The following UCP1 variants were observed in gnomAD, a reference collection of about 807,000 sequenced individuals.
UCP1 encodes the protein mitochondrial brown fat uncoupling protein 1.
A neutral mutation model predicts 26.2 loss-of-function variants in UCP1; 24 were observed. The observed-to-expected ratio is 0.92, with a 90% CI of 0.66 to 1.29. The LOEUF (loss-of-function observed/expected upper bound fraction) is 1.29. Among genes scored for constraint, UCP1 ranks in the 50% most tolerant of loss-of-function variants. The probability of loss-of-function intolerance (pLI) is 0.00; values close to 1 mark genes in which losing one functional copy is unlikely to be tolerated. For missense variants in UCP1, 402 were observed against 388.7 expected, an observed-to-expected ratio of 1.03 and a Z score of -0.29; for synonymous variants, 164 against 156.8, an observed-to-expected ratio of 1.05 and a Z score of -0.34.
chr4:140,560,571 G>A (rs763277017), intron 5 of UCP1, among the ~76,000 whole-genome samples: 8 of 152,106 alleles, frequency 5.3e-5, no homozygotes, highest in South Asian at 2.1e-4. Flanking sequence ...GAAGTATTGA[G>A]TAGAGTCAAG....
At chr4:140,562,043 G>T in intron 5 of UCP1, 150 bp downstream of exon 5, 3 of 919,564 alleles carry the variant, frequency 3.3e-6, no homozygotes, top group Non-Finnish European at 5.2e-6. Context: ...GGAATTGGTG[G>T]ATTGGAGAAA....
At position 140,559,997 on chromosome 4, in the gene UCP1, A is replaced by C; in HGVS notation, c.823T>G (p.Phe275Val). Reference protein sequence around the residue: ...TAFFKGLVPSFLRLGSWNVIM... With the variant: ...TAFFKGLVPSVLRLGSWNVIM... ...ACGTTCCAGGATCCAAGTCGCAAGAAGGAAGGTACCAACCTAGAAAAGTGC... is the reference window on the plus strand; with the variant it reads ...ACGTTCCAGGATCCAAGTCGCAAGACGGAAGGTACCAACCTAGAAAAGTGC... The change falls in exon 6 of 6, where the codon TTC becomes GTC. Residue 275 changes from phenylalanine to valine, a missense_variant. Transcript: ENST00000262999. 1 of 1,613,982 alleles carries C rather than the reference A, an allele frequency of 6.2e-7. No individual in the cohort carries two copies. Among genetic ancestry groups the C allele is most frequent in the South Asian group, 1.1e-5 (1 of 91,074 alleles).
At chr4:140,562,970 T>A in intron 4 of UCP1, 140 bp downstream of exon 4, 1 of 760,816 alleles carries the variant, frequency 1.3e-6, no homozygotes, top group Non-Finnish European at 2.2e-6. Context: ...TCTCACAAAG[T>A]TATATATGGT....
At position 140,567,981 on chromosome 4, in the gene UCP1, G is replaced by T. The variant is rs573045664; in HGVS notation, c.127-4C>A. 2 of 1,614,136 alleles carry T rather than the reference G, an allele frequency of 1.2e-6. No homozygotes were observed. Among genetic ancestry groups the T allele is most frequent in the Admixed American group, 1.7e-5 (1 of 60,016 alleles). On this transcript the variant is annotated splice_polypyrimidine_tract_variant and splice_region_variant and intron_variant, in intron 1 of 5. Coordinates refer to ENST00000262999, the MANE Select transcript of UCP1 (RefSeq NM_021833.5). ...ACGTCGGGCATTCACCTTGGACCTG[G>T]AAATAAGAAAGGTGCAGAACAGAAG...
Position 140,562,345 on chromosome 4 carries a change from A to C in UCP1, c.657T>G (p.Ala219=). The C allele has an allele frequency of 1.2e-6, 2 of 1,614,124 alleles. No individual in the cohort carries two copies. Among genetic ancestry groups the C allele is most frequent in the Non-Finnish European group, 1.7e-6 (2 of 1,180,000 alleles). Residue 219 remains alanine (A), a synonymous_variant, in exon 5 of 6, where the codon GCT becomes GCG. Coordinates refer to ENST00000262999, the MANE Select transcript of UCP1 (RefSeq NM_021833.5). ...CTGTTGCGCAAAATCCAGCGATAAG[A>C]GCCGACACCAAGTGGCAGGGGACGT... The part of the protein sequence containing the change: ...ADDVPCHLVS[A]LIAGFCATAM...
chr4:140,567,647 G>T, intron 2 of UCP1, 132 bp downstream of exon 2: 2 of 1,183,052 alleles, frequency 1.7e-6, no homozygotes, highest in Non-Finnish European at 1.2e-6. Flanking sequence ...TAATGTTTGG[G>T]GAAGGGAGAG....
At chr4:140,564,027 A>T (rs1263336003) in intron 2 of UCP1, among the ~76,000 whole-genome samples, 5 of 152,368 alleles carry the variant, frequency 3.3e-5, no homozygotes, top group African/African-American at 1.2e-4. Context: ...GAAATTTTTT[A>T]AAAATGAAGA....
chr4:140,563,802 T>C (rs1735740737), intron 2 of UCP1, among the ~76,000 whole-genome samples: 1 of 152,052 alleles, frequency 6.6e-6, no homozygotes, highest in African/African-American at 2.4e-5. Context: ...GAGACAGGGT[T>C]TCACTATATT....
chr4:140,568,566 G>A (rs1031575011), intron 1 of UCP1, 38 bp downstream of exon 1: 21 of 1,612,920 alleles, frequency 1.3e-5, no homozygotes, highest in Non-Finnish European at 1.4e-5. Context: ...CGTCCCCTCT[G>A]TCCTGAGACC....
intron 4 of UCP1, among the ~76,000 whole-genome samples, chr4:140,562,756 T>G (rs1038137631): frequency 9.2e-5 from 14 of 152,162 alleles, no homozygotes; most frequent in Non-Finnish European, 1.9e-4. Flanking sequence ...TAAGCTCCTT[T>G]TATAACTAGA....
chr4:140,560,155 T>A, intron 5 of UCP1, 145 bp from the exon 6 acceptor site: 1 of 693,640 alleles, frequency 1.4e-6, no homozygotes, highest in Non-Finnish European at 2.5e-6. Flanking sequence ...TGGGCTTAAG[T>A]GATCCTCCCA....
intron 4 of UCP1, among the ~76,000 whole-genome samples, 193 bp downstream of exon 4, chr4:140,562,917 G>T (rs1237227235): frequency 1.3e-5 from 2 of 152,148 alleles, no homozygotes; most frequent in South Asian, 4.1e-4. Flanking sequence ...TATTTTTGTT[G>T]TGGCAAAACT....
At position 140,567,801 on chromosome 4, in the gene UCP1, C is replaced by G. The variant is rs374742794; in HGVS notation, c.303G>C (p.Glu101Asp). ...TACTTTCTTTCCCTGCGGTGAGGAA[C>G]TCCTGGACCGTGTCGTAGAGGCCGA... is the stretch of plus-strand genomic sequence containing the variant. ...LRIGLYDTVQ[E>D]FLTAGKETAP... is the part of the protein sequence containing the mutation. Residue 101 changes from glutamate (E) to aspartate (D), a missense_variant, in exon 2 of 6, where the codon GAG becomes GAC. Transcript: ENST00000262999. The G allele has an allele frequency of 2.0e-5, 32 of 1,614,138 alleles. 2 individuals carry two copies. Among genetic ancestry groups the G allele is most frequent in the Middle Eastern group, 3.3e-4 (2 of 6,058 alleles).
At position 140,563,343 on chromosome 4, in the gene UCP1, G is replaced by A. The variant is rs140830198; in HGVS notation, c.501C>T (p.Thr167=). 1.6e-5 allele frequency: 26 copies of A among 1,613,990 alleles called. No homozygotes were observed. The highest frequency in any genetic ancestry group is 9.3e-5 in the African/African-American group (7 of 74,896). Residue 167 remains threonine, a synonymous_variant, in exon 3 of 6, where the codon ACC becomes ACT. Transcript: ENST00000262999. The part of the protein sequence containing the change: ...TYNAYRIIAT[T]EGLTGLWKGT... Reference sequence around the variant, plus strand: ...CTTTCCAAAGACCCGTCAAGCCTTCGGTTGTTGCTATTATTCTGTACGCAT... The same window carrying A: ...CTTTCCAAAGACCCGTCAAGCCTTCAGTTGTTGCTATTATTCTGTACGCAT...
intron 2 of UCP1, among the ~76,000 whole-genome samples, chr4:140,563,886 G>A (rs1735742350): frequency 6.6e-6 from 1 of 152,116 alleles, no homozygotes; most frequent in Non-Finnish European, 1.5e-5. Context: ...AGGATTACAG[G>A]TATGAGCCAC....
intron 2 of UCP1, among the ~76,000 whole-genome samples, chr4:140,566,139 C>G (rs1426291661): frequency 1.3e-5 from 2 of 152,170 alleles, no homozygotes; most frequent in Non-Finnish European, 2.9e-5. Context: ...ATTCAACAAC[C>G]AATTTGCCTC....
intron 1 of UCP1, 107 bp downstream of exon 1, chr4:140,568,497 A>G (rs1357728280): frequency 1.9e-6 from 3 of 1,555,522 alleles, no homozygotes; most frequent in Admixed American, 1.9e-5. Flanking sequence ...AAGGTCACCT[A>G]CCCTACCTAG....
chr4:140,568,108 CGT>C (rs3138733), intron 1 of UCP1, 131 bp from the exon 2 acceptor site: 52,361 of 626,796 alleles, frequency 0.084, 1,250 homozygotes, highest in East Asian at 0.12. Flanking sequence ...CTCCCTCTAC[CGT>C]GTGTGTGTGT....
chr4:140,568,643 C>A lies in UCP1; in HGVS notation c.87G>T (p.Val29=). 1 of 1,612,746 alleles carries A rather than the reference C, an allele frequency of 6.2e-7. No individual in the cohort carries two copies. Among genetic ancestry groups the A allele is most frequent in the African/African-American group, 1.3e-5 (1 of 75,040 alleles). ...SAGIAACLAD[V]ITFPLDTAKV... is the part of the protein sequence containing the mutation. The stretch of plus-strand genomic sequence containing the variant: ...TGGCCGTGTCCAGCGGGAAGGTGAT[C>A]ACGTCCGCCAAGCACGCCGCTATTC... Residue 29 remains valine (V), a synonymous_variant, in exon 1 of 6, where the codon GTG becomes GTT. Coordinates refer to ENST00000262999, the MANE Select transcript of UCP1 (RefSeq NM_021833.5).
Sources: allele counts gnomAD v4.1 joint callset (sites outside exome capture counted in the v4.1 genomes callset), GRCh38; gene constraint gnomAD v4.1.1; transcripts MANE v1.5; gene names NCBI Gene and HGNC (gene_info 2026-07-23, HGNC 2026-07-21).